The following DOC2B variants were observed in gnomAD, a reference collection of about 807,000 sequenced individuals.
The protein encoded by DOC2B is double C2 domain beta.
In DOC2B, 21 loss-of-function variants were observed where a neutral mutation model predicts 28.9. That is an observed-to-expected ratio of 0.73 (90% CI 0.52 to 1.05). The LOEUF is 1.05. Among genes scored for constraint, DOC2B ranks in the 50% least tolerant of loss-of-function variants. The pLI is 0.00. For missense variants in DOC2B, 384 were observed against 421.1 expected (o/e 0.91, Z 0.77); for synonymous variants, 194 against 178.1 (o/e 1.09, Z -0.71).
At position 156,386 on chromosome 17, in the gene DOC2B, C is replaced by A. The variant is rs369159510; in HGVS notation, c.766-9G>T. On this transcript the variant is annotated splice_polypyrimidine_tract_variant and intron_variant, in intron 5 of 8. Transcript: ENST00000613549. ...TCTTCAGTCTTGTCCACCTGTTGGA[C>A]GGGACGGTCACTCAGTCCTCACCTG... The A allele has an allele frequency of 1.0e-3, 1,569 of 1,551,080 alleles. 2 individuals carry two copies. Among genetic ancestry groups the A allele is most frequent in the South Asian group, 1.5e-3 (125 of 84,034 alleles).
rs1253048126 is a variant in DOC2B at position 145,163 on chromosome 17, C to T, written c.*2278G>A. The T allele has an allele frequency of 2.0e-5, 3 of 152,236 alleles. No individual in the cohort carries two copies. Among genetic ancestry groups the T allele is most frequent in the East Asian group, 3.9e-4 (2 of 5,168 alleles). The allele number at this position is 152,236 out of a possible 1,614,324, so 9.4% of individuals were successfully genotyped here. A position where few individuals can be genotyped will look rare whatever the true frequency, so the allele number is the denominator to read the frequency against. On this transcript the variant is annotated 3_prime_UTR_variant, in exon 9 of 9. Coordinates refer to ENST00000613549, the MANE Select transcript of DOC2B (RefSeq NM_003585.5). ...ACCTCTGGGGAAGCCTGAAGTAGCA[C>T]GGATGGTTTCAAAGCCAGCGGATGA...
intron 1 of DOC2B, among the ~76,000 whole-genome samples, chr17:176,399 G>A (rs1281107782): frequency 6.6e-6 from 1 of 151,748 alleles, no homozygotes; most frequent in African/African-American, 2.4e-5. Context: ...GGTGCGGGGG[G>A]TGCGGGGGGG....
chr17:157,146 T>G (rs2040145279), intron 5 of DOC2B, among the ~76,000 whole-genome samples: 1 of 152,210 alleles, frequency 6.6e-6, no homozygotes, highest in Admixed American at 6.5e-5. Flanking sequence ...CGCGCTCGGC[T>G]TCCGCGGACG....
chr17:147,758 C>G (rs993569189), intron 8 of DOC2B, among the ~76,000 whole-genome samples, 181 bp from the exon 9 acceptor site: 28 of 152,250 alleles, frequency 1.8e-4, no homozygotes, highest in African/African-American at 6.8e-4. Context: ...CCCAGCCATC[C>G]TGTCTCTCTT....
intron 3 of DOC2B, chr17:163,516 G>A (rs2040227709): frequency 6.6e-6 from 1 of 152,370 alleles, no homozygotes; most frequent in African/African-American, 2.4e-5. Context: ...GTCTAATTAA[G>A]TTCTGACTTT....
At chr17:180,252 T>C (rs2040423341) in intron 1 of DOC2B, among the ~76,000 whole-genome samples, 1 of 152,182 alleles carries the variant, frequency 6.6e-6, no homozygotes, top group South Asian at 2.1e-4. Context: ...GGCCTCGGTT[T>C]CCCAGCCAGT....
intron 2 of DOC2B, among the ~76,000 whole-genome samples, chr17:166,279 C>A (rs138704041): frequency 8.5e-4 from 130 of 152,370 alleles, no homozygotes; most frequent in African/African-American, 3.1e-3. Context: ...GGTCCTGACC[C>A]GGGGTTCCGC....
At position 145,033 on chromosome 17, in the gene DOC2B, C is replaced by T. The variant is rs1168706755; in HGVS notation, c.*2408G>A. On this transcript the variant is annotated 3_prime_UTR_variant, in exon 9 of 9. Coordinates refer to ENST00000613549, the MANE Select transcript of DOC2B (RefSeq NM_003585.5). ...CTTTTAGAAATAGACCACCTCTTAC[C>T]TTAGGCCCCCAGAGGGTGCCCATTC... The T allele has an allele frequency of 6.6e-6, 1 of 152,218 alleles. No homozygotes were observed. The highest frequency in any genetic ancestry group is 1.5e-5 in the Non-Finnish European group (1 of 68,060). 9.4% of individuals were successfully genotyped at this position (152,218 alleles called of 1,614,324 possible).
intron 1 of DOC2B, among the ~76,000 whole-genome samples, chr17:174,379 G>A (rs1442264420): frequency 6.6e-6 from 1 of 152,194 alleles, no homozygotes; most frequent in East Asian, 1.9e-4. Flanking sequence ...CGGTGTAGGA[G>A]GTGCTCAGTA....
rs2040023380 is a variant in DOC2B, at chr17:146,907, C to G, written c.*534G>C. 6.5e-6 allele frequency: 1 copy of G among 152,816 alleles called. No individual in the cohort carries two copies. The highest frequency in any genetic ancestry group is 2.4e-5 in the African/African-American group (1 of 41,506). The allele number at this position is 152,816 out of a possible 1,614,324, so 9.5% of individuals were successfully genotyped here. A position where few individuals can be genotyped will look rare whatever the true frequency, so the allele number is the denominator to read the frequency against. The stretch of plus-strand genomic sequence containing the variant: ...AAGCATGTGCCAATTTACCCATCAT[C>G]AGGAGCCTCCGGGAACTCTGGCAGA... On this transcript the variant is annotated 3_prime_UTR_variant, in exon 9 of 9. Transcript: ENST00000613549.
chr17:149,367 TCG>T, intron 6 of DOC2B, among the ~76,000 whole-genome samples, 175 bp from the exon 7 acceptor site: 1 of 152,178 alleles, frequency 6.6e-6, no homozygotes, highest in Non-Finnish European at 1.5e-5. Context: ...GACGTTGTTT[TCG>T]AGAAGCAAGT....
chr17:159,040 A>AC (rs2040169128), intron 5 of DOC2B, among the ~76,000 whole-genome samples: 3 of 59,986 alleles, frequency 5.0e-5, no homozygotes, highest in Admixed American at 1.8e-4. Context: ...ACTCCATCTC[A>AC]TAAAAAAAAA....
At chr17:159,609 G>A (rs1567531337) in intron 5 of DOC2B, among the ~76,000 whole-genome samples, 1 of 152,174 alleles carries the variant, frequency 6.6e-6, no homozygotes, top group African/African-American at 2.4e-5. Flanking sequence ...GGATGACAGA[G>A]CAAGACTCAG....
chr17:162,497 G>C (rs1555523410), intron 3 of DOC2B, among the ~76,000 whole-genome samples: 1 of 152,214 alleles, frequency 6.6e-6, no homozygotes, highest in African/African-American at 2.4e-5. Flanking sequence ...CCGCTGTGAA[G>C]GTGGAGGAAG....
intron 5 of DOC2B, among the ~76,000 whole-genome samples, chr17:159,951 A>C (rs2040181302): frequency 1.3e-5 from 2 of 150,328 alleles, no homozygotes; most frequent in African/African-American, 4.9e-5. Context: ...ATGAAAACTC[A>C]GGAACACTAA....
At chr17:170,797 G>A (rs1489545215) in intron 2 of DOC2B, among the ~76,000 whole-genome samples, 9 of 125,638 alleles carry the variant, frequency 7.2e-5, no homozygotes, top group African/African-American at 1.2e-4. Flanking sequence ...ACCAGGGGCC[G>A]GGCCAGGCTG....
At chr17:152,104 G>A (rs75157665) in intron 6 of DOC2B, among the ~76,000 whole-genome samples, 10,632 of 152,162 alleles carry the variant, frequency 0.07, 500 homozygotes, top group Non-Finnish European at 0.1. Context: ...GCCCTGTGCC[G>A]TGTACCTCTG....
intron 6 of DOC2B, among the ~76,000 whole-genome samples, 182 bp from the exon 7 acceptor site, chr17:149,374 G>C: frequency 6.6e-6 from 1 of 152,108 alleles, no homozygotes; most frequent in Non-Finnish European, 1.5e-5. Flanking sequence ...TTTTCGAGAA[G>C]CAAGTGGTCC....
At chr17:162,607 C>T (rs2151467226) in intron 3 of DOC2B, among the ~76,000 whole-genome samples, 1 of 152,260 alleles carries the variant, frequency 6.6e-6, no homozygotes, top group African/African-American at 2.4e-5. Context: ...CTTGCCGACA[C>T]CTTGATTTTA....
Sources: gnomAD v4.1 joint callset for allele counts (sites outside exome capture counted in the v4.1 genomes callset) on GRCh38, gnomAD v4.1.1 for gene constraint, MANE v1.5 for transcripts, NCBI Gene and HGNC (gene_info 2026-07-23, HGNC 2026-07-21) for gene names.